FTO: variants seen among roughly 807,000 people sequenced by gnomAD.
FTO encodes the protein alpha-ketoglutarate-dependent dioxygenase FTO.
A neutral mutation model predicts 63.9 loss-of-function variants in FTO; 47 were observed. The ratio of observed to expected loss-of-function variants is 0.74; its 90% CI spans 0.58 to 0.94. The LOEUF is 0.94. FTO is among the 40% of genes least tolerant of loss of function. The pLI, the probability that FTO is intolerant of heterozygous loss-of-function variation, is 0.00. For synonymous variants in FTO, 207 were observed against 224.4 expected, an observed-to-expected ratio of 0.92 and a Z score of 0.69; for missense variants, 562 against 618.1, an observed-to-expected ratio of 0.91 and a Z score of 0.96.
chr16:54,022,404 T>A (rs2084622877), intron 8 of FTO, among the ~76,000 whole-genome samples: 4 of 152,290 alleles, frequency 2.6e-5, no homozygotes, highest in Non-Finnish European at 5.9e-5. Context: ...CTTTTTTTTT[T>A]AATGTCTGTA....
intron 8 of FTO, among the ~76,000 whole-genome samples, chr16:53,976,811 A>T (rs1015838615): frequency 2.6e-5 from 4 of 152,026 alleles, no homozygotes; most frequent in African/African-American, 9.7e-5. Context: ...TGCTGTTGTA[A>T]TGGAATTACA....
intron 8 of FTO, among the ~76,000 whole-genome samples, chr16:54,020,039 C>T (rs888992990): frequency 6.6e-6 from 1 of 151,978 alleles, no homozygotes; most frequent in African/African-American, 2.4e-5. Context: ...TAGTTATTTT[C>T]CCACTAATTG....
chr16:53,891,719 T>C (rs1164408837), intron 7 of FTO, among the ~76,000 whole-genome samples: 1 of 152,238 alleles, frequency 6.6e-6, no homozygotes, highest in Non-Finnish European at 1.5e-5. Flanking sequence ...ACAAGTGATA[T>C]TCATTATGAA....
At chr16:53,887,910 C>A (rs966473486) in intron 6 of FTO, 26 of 151,956 alleles carry the variant, frequency 1.7e-4, no homozygotes, top group Non-Finnish European at 1.5e-5. Flanking sequence ...CTCCTCCTGG[C>A]CCATGGGTAA....
At chr16:54,094,338 A>G (rs1339038958) in intron 8 of FTO, among the ~76,000 whole-genome samples, 1 of 152,184 alleles carries the variant, frequency 6.6e-6, no homozygotes, top group Non-Finnish European at 1.5e-5. Flanking sequence ...GGCTTTATTC[A>G]GTGGCGGCAT....
At chr16:53,938,915 C>T (rs1312042079) in intron 8 of FTO, among the ~76,000 whole-genome samples, 1 of 150,856 alleles carries the variant, frequency 6.6e-6, no homozygotes, top group Non-Finnish European at 1.5e-5. Context: ...CGGTGAAACC[C>T]TGTCTCTACT....
intron 8 of FTO, among the ~76,000 whole-genome samples, chr16:54,095,871 C>T (rs969204164): frequency 6.6e-6 from 1 of 152,212 alleles, no homozygotes; most frequent in East Asian, 1.9e-4. Flanking sequence ...TGCAGACGTC[C>T]ATGGTCTGCT....
chr16:54,051,504 A>C (rs1888996334), intron 8 of FTO, among the ~76,000 whole-genome samples: 1 of 152,234 alleles, frequency 6.6e-6, no homozygotes, highest in African/African-American at 2.4e-5. Flanking sequence ...TGCCCACCTC[A>C]AGAACTGGCA....
intron 8 of FTO, among the ~76,000 whole-genome samples, chr16:54,000,594 T>C (rs1161987736): frequency 1.3e-5 from 2 of 152,216 alleles, no homozygotes; most frequent in Non-Finnish European, 2.9e-5. Context: ...ACAGTGTCTC[T>C]AGGGACAGTT....
At chr16:53,772,891 G>T (rs936677800) in intron 1 of FTO, among the ~76,000 whole-genome samples, 1 of 152,018 alleles carries the variant, frequency 6.6e-6, no homozygotes, top group Non-Finnish European at 1.5e-5. Context: ...TACAAAGTTT[G>T]CTACTTTTCA....
chr16:53,936,540 G>C (rs1410598859), intron 8 of FTO, among the ~76,000 whole-genome samples: 1 of 152,196 alleles, frequency 6.6e-6, no homozygotes, highest in African/African-American at 2.4e-5. Flanking sequence ...CAAATGGGTG[G>C]TGGTGAAAGT....
intron 8 of FTO, among the ~76,000 whole-genome samples, chr16:53,957,823 T>A (rs911995806): frequency 3.3e-5 from 5 of 152,266 alleles, no homozygotes; most frequent in Non-Finnish European, 5.9e-5. Context: ...GTAATTTTTT[T>A]AAAGTACCTT....
Position 53,959,355 on chromosome 16 carries a change from C to A in FTO, c.1364+25246C>A, listed in dbSNP as rs1420572. ...TGGGCTTGAATAGTTGCAGTCCTAACAAATTCTCAGGTGATGTGGATGCCC... is the reference window on the plus strand; with the variant it reads ...TGGGCTTGAATAGTTGCAGTCCTAAAAAATTCTCAGGTGATGTGGATGCCC... On this transcript the variant is annotated intron_variant, in intron 8 of 8. Transcript: ENST00000471389. Among the ~76,000 whole-genome samples, 85 of 152,252 alleles carry A rather than the reference C, an allele frequency of 5.6e-4. No homozygotes were observed. The East Asian group carries it at 0.015, about 27-fold the overall frequency.
chr16:53,982,972 T>A (rs2083580967), intron 8 of FTO, among the ~76,000 whole-genome samples: 3 of 152,238 alleles, frequency 2.0e-5, no homozygotes, highest in South Asian at 4.2e-4. Context: ...AGGTCAGGTT[T>A]TTTTCTGTTT....
chr16:53,718,060 C>A (rs573311067), intron 1 of FTO, among the ~76,000 whole-genome samples: 2 of 151,970 alleles, frequency 1.3e-5, no homozygotes, highest in Non-Finnish European at 2.9e-5. Context: ...CCCCACCAGT[C>A]TTTTGGTATT....
intron 8 of FTO, among the ~76,000 whole-genome samples, chr16:53,994,950 T>C (rs1212200748): frequency 1.3e-5 from 2 of 152,142 alleles, no homozygotes; most frequent in East Asian, 3.9e-4. Context: ...GCCAGGCTGG[T>C]CTCAAACTCC....
At chr16:54,048,125 T>TAAAAA (rs2085220979) in intron 8 of FTO, among the ~76,000 whole-genome samples, 25 of 34,722 alleles carry the variant, frequency 7.2e-4, no homozygotes, top group African/African-American at 5.6e-3. Context: ...AAAAAAAAAA[T>TAAAAA]TAAAAAAAAA....
chr16:53,798,566 T>G (rs560498068), intron 1 of FTO, among the ~76,000 whole-genome samples: 1 of 152,342 alleles, frequency 6.6e-6, no homozygotes, highest in East Asian at 1.9e-4. Context: ...TTTCAGATTG[T>G]TGGTTGCTAG....
intron 1 of FTO, among the ~76,000 whole-genome samples, chr16:53,750,110 G>T (rs1292248057): frequency 6.6e-6 from 1 of 152,186 alleles, no homozygotes; most frequent in Non-Finnish European, 1.5e-5. Flanking sequence ...TGATATTAAT[G>T]AATTTTAAAT....
Sources: gnomAD v4.1 joint callset for allele counts (sites outside exome capture counted in the v4.1 genomes callset) on GRCh38, gnomAD v4.1.1 for gene constraint, MANE v1.5 for transcripts, NCBI Gene and HGNC (gene_info 2026-07-23, HGNC 2026-07-21) for gene names.